PTPRT: variants seen among roughly 807,000 people sequenced by gnomAD.
PTPRT encodes receptor-type tyrosine-protein phosphatase T.
PTPRT carries 56 observed loss-of-function variants against 176.8 expected under a neutral mutation model. That is an observed-to-expected ratio of 0.32 (90% CI 0.26 to 0.40). PTPRT has a LOEUF of 0.40. Among genes scored for constraint, PTPRT ranks in the 10% least tolerant of loss-of-function variants. The pLI, the probability that PTPRT is intolerant of heterozygous loss-of-function variation, is 1.00. For missense variants in PTPRT, 1,540 were observed against 1,908.2 expected (o/e 0.81, Z 3.60); for synonymous variants, 783 against 739.0 (o/e 1.06, Z -0.96).
chr20:42,448,762 T>C lies in PTPRT; in HGVS notation c.1451-433A>G, dbSNP rs565307582. ...TGAAATGAGGTGTTTGCTTCAGGGG[T>C]GTCTAATCTTTTGGCTTCCCTGGGC... is the stretch of plus-strand genomic sequence containing the variant. On this transcript the variant is annotated intron_variant, in intron 8 of 30. Coordinates refer to ENST00000373187, the MANE Select transcript of PTPRT (RefSeq NM_007050.6). Among the ~76,000 whole-genome samples, 191 of 152,022 alleles carry C rather than the reference T, an allele frequency of 1.3e-3. 1 individual carries two copies. The highest frequency in any genetic ancestry group is 2.5e-3 in the Non-Finnish European group (172 of 67,998).
In PTPRT at chr20:42,981,274, GA is replaced by G. The variant is rs1344483934; in HGVS notation, c.89-95343del. Among the ~76,000 whole-genome samples the G allele has an allele frequency of 2.0e-5, 3 of 152,272 alleles. No individual in the cohort carries two copies. In the South Asian group the frequency reaches 6.2e-4, roughly 32 times the overall value. On this transcript the variant is annotated intron_variant, in intron 1 of 30. Transcript: ENST00000373187. ...CCCTATCCATGAAAAGCAAACAACA[GA>G]AAAAGTCCTTCTTTTAAGGAGTGAA...
intron 18 of PTPRT, among the ~76,000 whole-genome samples, chr20:42,140,988 G>C (rs985307523): frequency 3.3e-5 from 5 of 152,162 alleles, no homozygotes; most frequent in African/African-American, 1.2e-4. Context: ...GGGCCCTACA[G>C]TTGGGATAGA....
At chr20:42,993,580 AATCTGC>A (rs1984071157) in intron 1 of PTPRT, among the ~76,000 whole-genome samples, 2 of 148,056 alleles carry the variant, frequency 1.4e-5, no homozygotes, top group African/African-American at 2.6e-5. Flanking sequence ...ATATATATAC[AATCTGC>A]CATAAGAACT....
chr20:42,955,855 AGGAGGGAG>A (rs970250649), intron 1 of PTPRT, among the ~76,000 whole-genome samples: 5 of 51,228 alleles, frequency 9.8e-5, no homozygotes, highest in South Asian at 6.9e-4. Context: ...GGGAGGGAGA[AGGAGGGAG>A]GGAGGGAGGG....
chr20:42,255,001 C>G (rs964524328), intron 13 of PTPRT, among the ~76,000 whole-genome samples: 2 of 152,100 alleles, frequency 1.3e-5, no homozygotes, highest in African/African-American at 4.8e-5. Context: ...CCATTCCCAC[C>G]CCCTCACCCT....
intron 9 of PTPRT, among the ~76,000 whole-genome samples, chr20:42,356,875 C>G (rs1249038043): frequency 1.3e-5 from 2 of 152,178 alleles, no homozygotes; most frequent in South Asian, 4.1e-4. Context: ...GAGCCATGGT[C>G]TTTTCTGCCA....
intron 2 of PTPRT, among the ~76,000 whole-genome samples, chr20:42,855,896 C>A (rs7263412): frequency 6.6e-6 from 1 of 152,244 alleles, no homozygotes; most frequent in South Asian, 2.1e-4. Context: ...GACTCCTTCC[C>A]TAAATCCCTT....
chr20:42,344,733 A>G (rs1222496342), intron 11 of PTPRT, among the ~76,000 whole-genome samples: 3 of 152,144 alleles, frequency 2.0e-5, no homozygotes, highest in Admixed American at 1.3e-4. Flanking sequence ...CACCTTCCCA[A>G]TGTTCCACAC....
At chr20:43,182,503 C>T (rs1053677835) in intron 1 of PTPRT, among the ~76,000 whole-genome samples, 4 of 151,948 alleles carry the variant, frequency 2.6e-5, no homozygotes, top group African/African-American at 4.8e-5. Flanking sequence ...CGATTCTCAT[C>T]CCTCAGCCAC....
chr20:42,499,766 AT>A (rs2071720949), intron 7 of PTPRT, among the ~76,000 whole-genome samples: 1 of 152,152 alleles, frequency 6.6e-6, no homozygotes, highest in Non-Finnish European at 1.5e-5. Context: ...AAGATGTCCA[AT>A]ATATGTATTG....
chr20:43,044,720 G>A (rs555590994), intron 1 of PTPRT, among the ~76,000 whole-genome samples: 3 of 152,150 alleles, frequency 2.0e-5, no homozygotes, highest in Non-Finnish European at 4.4e-5. Context: ...TGTGTAAGAC[G>A]CTCAGCACAG....
chr20:42,433,500 G>A (rs755119552), intron 9 of PTPRT, among the ~76,000 whole-genome samples: 1 of 152,128 alleles, frequency 6.6e-6, no homozygotes, highest in Non-Finnish European at 1.5e-5. Flanking sequence ...GGGATTCTGA[G>A]GCCATGTTGG....
At chr20:42,066,794 T>A in the PTPRT span, among the ~76,000 whole-genome samples, 2 of 152,250 alleles carry the variant, frequency 1.3e-5, no homozygotes, top group African/African-American at 2.4e-5. Context: ...ATAATTTCTA[T>A]ATTCACTATT....
At chr20:42,548,899 A>G (rs1450517155) in intron 7 of PTPRT, among the ~76,000 whole-genome samples, 1 of 152,188 alleles carries the variant, frequency 6.6e-6, no homozygotes, top group Non-Finnish European at 1.5e-5. Context: ...ATGAAGATGA[A>G]CACAATGTAC....
chr20:42,347,550 T>C (rs541554654), intron 11 of PTPRT, among the ~76,000 whole-genome samples: 1 of 152,286 alleles, frequency 6.6e-6, no homozygotes, highest in East Asian at 1.9e-4. Context: ...GCACCAGGCA[T>C]GACACCATTG....
At chr20:42,805,842 C>A (rs1331091789) in intron 2 of PTPRT, among the ~76,000 whole-genome samples, 1 of 151,710 alleles carries the variant, frequency 6.6e-6, no homozygotes, top group African/African-American at 2.4e-5. Flanking sequence ...TGAGTCTCGA[C>A]CTATTCCCTT....
intron 8 of PTPRT, among the ~76,000 whole-genome samples, chr20:42,457,704 T>G (rs2070947349): frequency 6.6e-6 from 1 of 152,064 alleles, no homozygotes; most frequent in Admixed American, 6.6e-5. Flanking sequence ...TGAGGGGCAG[T>G]TAAGGAAGGG....
intron 12 of PTPRT, among the ~76,000 whole-genome samples, chr20:42,308,353 A>C (rs1176690978): frequency 6.6e-6 from 1 of 152,138 alleles, no homozygotes; most frequent in Non-Finnish European, 1.5e-5. Flanking sequence ...TGAGAAGTTA[A>C]ACTAAGAGGA....
chr20:42,683,760 G>C (rs1569081746), intron 6 of PTPRT, among the ~76,000 whole-genome samples: 1 of 152,142 alleles, frequency 6.6e-6, no homozygotes, highest in Non-Finnish European at 1.5e-5. Flanking sequence ...GGACTACCTT[G>C]GGGCCAGGGT....
Sources: gnomAD v4.1 joint callset for allele counts (sites outside exome capture counted in the v4.1 genomes callset) on GRCh38, gnomAD v4.1.1 for gene constraint, MANE v1.5 for transcripts, NCBI Gene and HGNC (gene_info 2026-07-23, HGNC 2026-07-21) for gene names.